The following TMEM182 variants were observed in gnomAD, a reference collection of about 807,000 sequenced individuals.
The protein encoded by TMEM182 is transmembrane protein 182.
Under a neutral mutation model 26.8 loss-of-function variants are expected in TMEM182, and 20 were observed. That is an observed-to-expected ratio of 0.75 (90% CI 0.53 to 1.09). The LOEUF (loss-of-function observed/expected upper bound fraction) is 1.09, where lower values mean the gene tolerates loss of function less well. Among genes scored for constraint, TMEM182 ranks in the 50% least tolerant of loss-of-function variants. The pLI is 0.00. For missense variants in TMEM182, 277 were observed against 275.5 expected (o/e 1.01, Z -0.04); for synonymous variants, 109 against 102.2 (o/e 1.07, Z -0.40).
intron 4 of TMEM182, 109 bp downstream of exon 4, chr2:102,798,109 A>T: frequency 7.4e-7 from 1 of 1,345,176 alleles, no homozygotes; most frequent in South Asian, 1.5e-5. Flanking sequence ...TAACACAATA[A>T]TATTTGTATA....
intron 1 of TMEM182, among the ~76,000 whole-genome samples, chr2:102,753,722 G>T (rs771889652): frequency 6.6e-6 from 1 of 152,098 alleles, no homozygotes; most frequent in South Asian, 2.1e-4. Context: ...TGTAATGTTC[G>T]TTGGAATGCA....
downstream of TMEM182, among the ~76,000 whole-genome samples, chr2:102,822,475 A>T (rs532124254): frequency 2.6e-5 from 4 of 152,136 alleles, no homozygotes; most frequent in Admixed American, 2.0e-4. Flanking sequence ...ATCTTTGGAG[A>T]TGGAAGTGTG....
chr2:102,830,269 A>G (rs757691216), intron 3 of TMEM182, among the ~76,000 whole-genome samples: 4 of 152,212 alleles, frequency 2.6e-5, no homozygotes, highest in Non-Finnish European at 5.9e-5. Context: ...ATAAATTACT[A>G]TGCTTTCTCT....
At chr2:102,807,028 G>A (rs1558783970) in intron 4 of TMEM182, among the ~76,000 whole-genome samples, 2 of 152,212 alleles carry the variant, frequency 1.3e-5, no homozygotes, top group South Asian at 4.1e-4. Flanking sequence ...TGTGGAAATA[G>A]GTAAACCCCC....
intron 3 of TMEM182, among the ~76,000 whole-genome samples, chr2:102,835,862 A>T (rs1022017379): frequency 1.1e-5 from 1 of 90,910 alleles, no homozygotes; most frequent in African/African-American, 4.3e-5. Flanking sequence ...CCGACCCCAC[A>T]ACAGGCCCCG....
chr2:102,800,529 C>G (rs1682074880), intron 4 of TMEM182, among the ~76,000 whole-genome samples: 1 of 152,110 alleles, frequency 6.6e-6, no homozygotes, highest in Non-Finnish European at 1.5e-5. Context: ...AAAAATTTTT[C>G]TCACCCAAAC....
chr2:102,795,127 TC>T (rs754296596), intron 3 of TMEM182, among the ~76,000 whole-genome samples: 6 of 152,210 alleles, frequency 3.9e-5, no homozygotes, highest in Non-Finnish European at 8.8e-5. Context: ...GTTTTCTAAT[TC>T]TAAAATTTAT....
At chr2:102,841,157 A>G (rs1683341622) in intron 3 of TMEM182, among the ~76,000 whole-genome samples, 1 of 152,090 alleles carries the variant, frequency 6.6e-6, no homozygotes, top group African/African-American at 2.4e-5. Flanking sequence ...AAAGAGGGCA[A>G]CTGAGGCGAT....
chr2:102,784,495 T>G (rs1196706252), intron 3 of TMEM182, among the ~76,000 whole-genome samples: 1 of 152,180 alleles, frequency 6.6e-6, no homozygotes, highest in Non-Finnish European at 1.5e-5. Context: ...GTCAGTGATT[T>G]TTGTAATATT....
rs945784035 is a variant in TMEM182, at chr2:102,754,964, C to T, written c.-82-3425C>T. Among the ~76,000 whole-genome samples the T allele has an allele frequency of 3.3e-5, 5 of 152,152 alleles. No homozygotes were observed. The South Asian group carries it at 8.3e-4, about 25-fold the overall frequency. ...TCCAGTTTTATTTAACTTGTGAAAA[C>T]CAGGGTAGAATTTACCGTAATGGAA... On this transcript the variant is annotated intron_variant, in intron 1 of 5. Coordinates refer to the TMEM182 transcript ENST00000409173.
At position 102,817,093 on chromosome 2, in the gene TMEM182, A is replaced by T. The variant is rs1320751809; in HGVS notation, c.*2125A>T. 4.1e-6 allele frequency: 4 copies of T among 985,464 alleles called. No homozygotes were observed. Among genetic ancestry groups the T allele is most frequent in the Non-Finnish European group, 4.8e-6 (4 of 829,938 alleles). 61.0% of individuals were successfully genotyped at this position (985,464 alleles called of 1,614,324 possible). A position where few individuals can be genotyped will look rare whatever the true frequency, so the allele number is the denominator to read the frequency against. ...CACATTTCTTGATCAATTTACCAGCAACCCTCTGAAGGAATGAAGGAGAGT... is the reference window on the plus strand; with the variant it reads ...CACATTTCTTGATCAATTTACCAGCTACCCTCTGAAGGAATGAAGGAGAGT... On this transcript the variant is annotated 3_prime_UTR_variant, in exon 5 of 5. Coordinates refer to ENST00000412401, the MANE Select transcript of TMEM182 (RefSeq NM_144632.5).
rs1281798824 is a variant in TMEM182, at chr2:102,816,473, G to C, written c.*1505G>C. On this transcript the variant is annotated 3_prime_UTR_variant, in exon 5 of 5. Transcript: ENST00000412401. ...AAGGAGCTTTGGAAAAATTGCAAAG[G>C]TCTGAATCTTCAGGGCATTTTCATG... 1.0e-6 allele frequency: 1 copy of C among 984,070 alleles called. No homozygotes were observed. Among genetic ancestry groups the C allele is most frequent in the East Asian group, 1.1e-4 (1 of 8,764 alleles). 61.0% of individuals were successfully genotyped at this position (984,070 alleles called of 1,614,324 possible).
chr2:102,795,185 G>A lies in TMEM182; in HGVS notation c.332-2678G>A, dbSNP rs562566652. ...TAATTTCTTTATATTTATTTCAAGA[G>A]TATTCACCCCAGTCTATAGAAAATG... On this transcript the variant is annotated intron_variant, in intron 3 of 4. Transcript: ENST00000412401. Among the ~76,000 whole-genome samples, 6 of 152,164 alleles carry A rather than the reference G, an allele frequency of 3.9e-5. No individual in the cohort carries two copies. The East Asian group carries it at 1.2e-3, about 29-fold the overall frequency.
chr2:102,827,175 G>A (rs1214465009), intron 3 of TMEM182, among the ~76,000 whole-genome samples: 7 of 152,218 alleles, frequency 4.6e-5, no homozygotes, highest in Admixed American at 4.6e-4. Context: ...TCCAACTGGT[G>A]TACCACTGAG....
At chr2:102,775,806 A>G (rs1680892562) in intron 3 of TMEM182, among the ~76,000 whole-genome samples, 1 of 152,216 alleles carries the variant, frequency 6.6e-6, no homozygotes, top group African/African-American at 2.4e-5. Context: ...CAAAGAGAAT[A>G]AAATACCTAG....
At chr2:102,826,346 T>G (rs1314599178) in intron 3 of TMEM182, among the ~76,000 whole-genome samples, 1 of 150,298 alleles carries the variant, frequency 6.7e-6, no homozygotes, top group African/African-American at 2.5e-5. Flanking sequence ...TCGATGTTCA[T>G]TAGAGCGGCG....
At chr2:102,819,893 G>A (rs1315601982), downstream of TMEM182, among the ~76,000 whole-genome samples, 5 of 152,178 alleles carry the variant, frequency 3.3e-5, no homozygotes, top group Admixed American at 2.6e-4. Context: ...TGGATCCAGA[G>A]CATATGTGGT....
intron 4 of TMEM182, among the ~76,000 whole-genome samples, chr2:102,809,200 T>C (rs1023636157): frequency 6.6e-6 from 1 of 152,224 alleles, no homozygotes; most frequent in Non-Finnish European, 1.5e-5. Flanking sequence ...ATGAAGATGT[T>C]TTATGTATTT....
intron 3 of TMEM182, among the ~76,000 whole-genome samples, chr2:102,770,253 A>C (rs1326487646): frequency 6.6e-6 from 1 of 152,198 alleles, no homozygotes; most frequent in East Asian, 1.9e-4. Flanking sequence ...ATGAATGGAC[A>C]TGAGAAGCAG....
Sources: gnomAD v4.1 joint callset for allele counts (sites outside exome capture counted in the v4.1 genomes callset) on GRCh38, gnomAD v4.1.1 for gene constraint, MANE v1.5 for transcripts, NCBI Gene and HGNC (gene_info 2026-07-23, HGNC 2026-07-21) for gene names.